Variants in ARID1B observed in about 807,000 individuals in gnomAD.
ARID1B encodes AT-rich interactive domain-containing protein 1B.
ARID1B carries 30 observed loss-of-function variants against 212.3 expected under a neutral mutation model. The observed-to-expected ratio is 0.14, with a 90% confidence interval of 0.11 to 0.19. The LOEUF is 0.19. Among genes scored for constraint, ARID1B ranks in the 10% least tolerant of loss-of-function variants. ARID1B has a pLI of 1.00. For synonymous variants in ARID1B, 1,402 were observed against 1,301.7 expected, an observed-to-expected ratio of 1.08 and a Z score of -1.66; for missense variants, 2,891 against 3,204.0, an observed-to-expected ratio of 0.90 and a Z score of 2.36.
intron 1 of ARID1B, among the ~76,000 whole-genome samples, chr6:156,792,321 G>A (rs1415364303): frequency 6.6e-6 from 1 of 152,152 alleles, no homozygotes; most frequent in Non-Finnish European, 1.5e-5. Context: ...AACCATGCAA[G>A]GCCGGACCCA....
At chr6:157,069,714 T>C (rs1783893371) in intron 4 of ARID1B, among the ~76,000 whole-genome samples, 4 of 152,242 alleles carry the variant, frequency 2.6e-5, no homozygotes, top group African/African-American at 4.8e-5. Context: ...GGAGCCTTTT[T>C]CCTGTGAAGA....
intron 4 of ARID1B, among the ~76,000 whole-genome samples, chr6:157,066,936 T>C (rs1044087513): frequency 6.6e-6 from 1 of 152,116 alleles, no homozygotes; most frequent in Non-Finnish European, 1.5e-5. Context: ...GAGTGGACTT[T>C]AGAACACTGA....
chr6:156,975,618 T>C (rs1002887333), intron 4 of ARID1B, among the ~76,000 whole-genome samples: 83 of 150,024 alleles, frequency 5.5e-4, no homozygotes, highest in Non-Finnish European at 2.8e-4. Context: ...TTTTTCTTTT[T>C]TTTTTTTTTT....
At chr6:156,854,609 G>C (rs1784789120) in intron 2 of ARID1B, among the ~76,000 whole-genome samples, 3 of 152,252 alleles carry the variant, frequency 2.0e-5, no homozygotes, top group Non-Finnish European at 4.4e-5. Flanking sequence ...AGTGTGGCCT[G>C]TTCCACAGTG....
chr6:157,013,561 C>T (rs1319118731), intron 4 of ARID1B, among the ~76,000 whole-genome samples: 6 of 152,214 alleles, frequency 3.9e-5, no homozygotes, highest in Admixed American at 3.9e-4. Context: ...ACACTGAAAA[C>T]AGGATCTGTC....
In ARID1B at chr6:156,945,156, T is replaced by C. The variant is rs184189628; in HGVS notation, c.2247+9580T>C. Among the ~76,000 whole-genome samples, 550 of 147,564 alleles carry C rather than the reference T, an allele frequency of 3.7e-3. 1 individual carries two copies. Among genetic ancestry groups the C allele is most frequent in the African/African-American group, 4.6e-3 (186 of 40,286 alleles). Reference sequence around the variant, plus strand: ...TTCACCATGTTAGCCAGGATGGTCTTGATCTCCTGACCTTGTGATCCGCCC... The same window carrying C: ...TTCACCATGTTAGCCAGGATGGTCTCGATCTCCTGACCTTGTGATCCGCCC... On this transcript the variant is annotated intron_variant, in intron 4 of 19. Transcript: ENST00000636930.
At chr6:157,047,564 G>T (rs1464306674) in intron 4 of ARID1B, among the ~76,000 whole-genome samples, 1 of 152,178 alleles carries the variant, frequency 6.6e-6, no homozygotes, top group East Asian at 1.9e-4. Flanking sequence ...TAAGGTGAGT[G>T]GAGGGACCAT....
chr6:156,831,938 A>G (rs1357905162), intron 2 of ARID1B, among the ~76,000 whole-genome samples: 1 of 152,248 alleles, frequency 6.6e-6, no homozygotes, highest in Non-Finnish European at 1.5e-5. Context: ...TGAGTTAATC[A>G]AAGTCATGGG....
chr6:156,858,107 G>A lies in ARID1B; in HGVS notation c.1986+28686G>A, dbSNP rs149846445. ...ATGAAACTGGAGGACATTATGTTAC[G>A]TGTAATAAGTCAGGCACAGAGAGAC... is the stretch of plus-strand genomic sequence containing the variant. On this transcript the variant is annotated intron_variant, in intron 2 of 19. Transcript: ENST00000636930. 1.2e-4 allele frequency among the ~76,000 whole-genome samples: 19 copies of A among 152,172 alleles called. No individual in the cohort carries two copies. The East Asian group carries it at 3.3e-3, about 26-fold the overall frequency.
intron 2 of ARID1B, chr6:156,870,365 G>A (rs1786029293): frequency 6.6e-6 from 1 of 152,224 alleles, no homozygotes; most frequent in African/African-American, 2.4e-5. Context: ...GATGCTAGCA[G>A]GGAGCTCCAG....
chr6:156,849,986 T>A (rs748382037), intron 2 of ARID1B, among the ~76,000 whole-genome samples: 8 of 149,858 alleles, frequency 5.3e-5, no homozygotes, highest in Non-Finnish European at 8.9e-5. Context: ...TGGCACCTGT[T>A]AGAGCTGGAA....
intron 8 of ARID1B, among the ~76,000 whole-genome samples, chr6:157,154,180 T>G (rs1308166944): frequency 6.6e-6 from 1 of 152,184 alleles, no homozygotes; most frequent in Non-Finnish European, 1.5e-5. Flanking sequence ...GGAAGCATGA[T>G]TTCACTGAAT....
At chr6:157,004,890 CTTTTTTCTTTTTTTT>C (rs1779123288) in intron 4 of ARID1B, among the ~76,000 whole-genome samples, 4 of 35,688 alleles carry the variant, frequency 1.1e-4, no homozygotes, top group East Asian at 1.4e-3. Context: ...TTTTCTTCTT[CTTTTTTCTTTTTTTT>C]TTTTTTTTTT....
chr6:156,946,389 T>TAATA (rs1554272794), intron 4 of ARID1B, among the ~76,000 whole-genome samples: 20 of 151,128 alleles, frequency 1.3e-4, no homozygotes, highest in Middle Eastern at 3.2e-3. Flanking sequence ...AAAAAATAAA[T>TAATA]AATAAATAAA....
intron 3 of ARID1B, among the ~76,000 whole-genome samples, chr6:156,923,421 G>A (rs1357807297): frequency 1.3e-5 from 2 of 152,154 alleles, no homozygotes; most frequent in African/African-American, 4.8e-5. Context: ...TGGGAGCATC[G>A]TTAAGTGCAC....
intron 4 of ARID1B, among the ~76,000 whole-genome samples, chr6:157,045,846 A>G (rs1186250666): frequency 6.6e-6 from 1 of 152,194 alleles, no homozygotes. Flanking sequence ...TTAAAATTAT[A>G]GAATATATAT....
At chr6:156,784,301 G>C (rs890709964) in intron 1 of ARID1B, among the ~76,000 whole-genome samples, 1 of 152,076 alleles carries the variant, frequency 6.6e-6, no homozygotes. Context: ...TGTCGTGTCC[G>C]GGAGAGGCAC....
intron 4 of ARID1B, among the ~76,000 whole-genome samples, chr6:156,958,105 T>A (rs1055408256): frequency 1.3e-5 from 2 of 152,250 alleles, no homozygotes; most frequent in Admixed American, 1.3e-4. Context: ...CAGCTTTGGC[T>A]TGTTGTCCAC....
chr6:156,997,710 A>G (rs1778678519), intron 4 of ARID1B, among the ~76,000 whole-genome samples: 1 of 151,924 alleles, frequency 6.6e-6, no homozygotes, highest in Non-Finnish European at 1.5e-5. Context: ...GTTTTCCACA[A>G]GAACCATCAT....
Sources: allele counts gnomAD v4.1 joint callset (sites outside exome capture counted in the v4.1 genomes callset), GRCh38; gene constraint gnomAD v4.1.1; transcripts MANE v1.5; gene names NCBI Gene and HGNC (gene_info 2026-07-23, HGNC 2026-07-21).